The following SH3KBP1 variants were observed in gnomAD, a reference collection of about 807,000 sequenced individuals.
SH3KBP1 encodes the protein SH3 domain containing kinase binding protein 1.
Under a neutral mutation model 50.1 loss-of-function variants are expected in SH3KBP1, and 8 were observed. The observed-to-expected ratio is 0.16, with a 90% CI of 0.09 to 0.29. SH3KBP1 has a LOEUF of 0.29. Ranked by LOEUF, SH3KBP1 falls within the 10% of genes least tolerant of loss-of-function variation. The probability of loss-of-function intolerance (pLI) is 1.00; values close to 1 mark genes in which losing one functional copy is unlikely to be tolerated. For synonymous variants in SH3KBP1, 227 were observed against 218.6 expected (o/e 1.04, Z -0.34); for missense variants, 377 against 535.2 (o/e 0.70, Z 2.92).
intron 1 of SH3KBP1, among the ~76,000 whole-genome samples, chrX:19,858,765 C>CA (rs969770678): frequency 1.8e-5 from 2 of 112,035 alleles, no homozygotes; most frequent in African/African-American, 6.5e-5. Context: ...TTCAACAAAA[C>CA]AAAAATATAT....
intron 2 of SH3KBP1, among the ~76,000 whole-genome samples, chrX:19,782,603 G>T (rs2066214669): frequency 9.0e-6 from 1 of 111,385 alleles, no homozygotes; most frequent in Non-Finnish European, 1.9e-5. Flanking sequence ...CGCAAGATGG[G>T]ATTCTGCTGG....
At position 19,760,402 on chromosome X, in the gene SH3KBP1, ATAC is replaced by A. The variant is rs1569459770; in HGVS notation, c.163-13964_163-13962del. Among the ~76,000 whole-genome samples, 241 of 59,657 alleles carry A rather than the reference ATAC, an allele frequency of 4.0e-3. 1 individual carries two copies. Among genetic ancestry groups the A allele is most frequent in the Middle Eastern group, 8.1e-3 (1 of 124 alleles). The allele number at this position is 59,657 out of a possible 115,157, so 51.8% of individuals were successfully genotyped here. A position where few individuals can be genotyped will look rare whatever the true frequency, so the allele number is the denominator to read the frequency against. On this transcript the variant is annotated intron_variant, in intron 2 of 17. Transcript: ENST00000397821. The stretch of plus-strand genomic sequence containing the variant: ...ATTCTGTCTCAAAATAAATAAATAC[ATAC>A]ATACATACATACATACATACATACA...
chrX:19,760,041 C>CCT (rs745515349), intron 2 of SH3KBP1, among the ~76,000 whole-genome samples: 6,510 of 50,293 alleles, frequency 0.13, 400 homozygotes, highest in East Asian at 0.16. Flanking sequence ...TCTCTCTCTC[C>CCT]CTCTCTCTCT....
intron 1 of SH3KBP1, among the ~76,000 whole-genome samples, chrX:19,856,027 T>G (rs2068633593): frequency 9.0e-6 from 1 of 110,810 alleles, no homozygotes; most frequent in African/African-American, 3.3e-5. Context: ...TTTCTGCAGA[T>G]AGAAATGCCC....
intron 1 of SH3KBP1, among the ~76,000 whole-genome samples, chrX:19,842,631 CAGG>C (rs1171077639): frequency 2.7e-5 from 3 of 110,544 alleles, no homozygotes; most frequent in East Asian, 2.8e-4. Flanking sequence ...TGTGCCCTAG[CAGG>C]AGAACACTCC....
rs891017114 is a variant in SH3KBP1, at chrX:19,598,879, T to C, written c.1006-3879A>G. Among the ~76,000 whole-genome samples the C allele has an allele frequency of 4.5e-5, 5 of 112,120 alleles. No homozygotes were observed. The South Asian group carries it at 1.5e-3, about 33-fold the overall frequency. On this transcript the variant is annotated intron_variant, in intron 9 of 17. Coordinates refer to ENST00000397821, the MANE Select transcript of SH3KBP1 (RefSeq NM_031892.3). ...AATAATAATAAAAAAGTTTGAAATG[T>C]TGTGAGAATTACCAAAATGTAACAC...
chrX:19,736,006 G>A (rs932467033), intron 3 of SH3KBP1, among the ~76,000 whole-genome samples: 5 of 111,658 alleles, frequency 4.5e-5, no homozygotes, highest in African/African-American at 1.3e-4. Context: ...TTATAGGCGT[G>A]AGCCACCGCA....
chrX:19,864,023 G>A (rs1016424798), intron 1 of SH3KBP1, among the ~76,000 whole-genome samples: 25 of 110,688 alleles, frequency 2.3e-4, no homozygotes, highest in African/African-American at 7.9e-4. Context: ...GCTGCTACCA[G>A]TCATCCTAAC....
chrX:19,657,505 G>A (rs995821109), intron 6 of SH3KBP1, among the ~76,000 whole-genome samples: 2 of 110,468 alleles, frequency 1.8e-5, no homozygotes, highest in Non-Finnish European at 3.8e-5. Flanking sequence ...CGAGGTGGGT[G>A]GATCATGAGG....
At chrX:19,605,956 G>C (rs1394927840) in intron 9 of SH3KBP1, among the ~76,000 whole-genome samples, 2 of 111,756 alleles carry the variant, frequency 1.8e-5, no homozygotes, top group Non-Finnish European at 3.8e-5. Context: ...TGGATTCCTA[G>C]GGAAGCTCGC....
chrX:19,732,809 CT>C (rs2064420282), intron 3 of SH3KBP1, among the ~76,000 whole-genome samples: 1 of 111,561 alleles, frequency 9.0e-6, no homozygotes, highest in Non-Finnish European at 1.9e-5. Flanking sequence ...TCCACAAGGG[CT>C]ATTGTAAAGA....
intron 2 of SH3KBP1, among the ~76,000 whole-genome samples, chrX:19,802,972 G>A (rs1488407484): frequency 1.8e-5 from 2 of 111,401 alleles, no homozygotes; most frequent in Non-Finnish European, 1.9e-5. Context: ...GAGAGCCAGA[G>A]GCAGGTTCCA....
chrX:19,760,522 C>G lies in SH3KBP1; in HGVS notation c.163-14081G>C, dbSNP rs925341858. Among the ~76,000 whole-genome samples the G allele has an allele frequency of 4.6e-5, 5 of 109,358 alleles. No homozygotes were observed. In the South Asian group the frequency reaches 1.2e-3, roughly 27 times the overall value. The allele number at this position is 109,358 out of a possible 115,157, so 95.0% of individuals were successfully genotyped here. A position where few individuals can be genotyped will look rare whatever the true frequency, so the allele number is the denominator to read the frequency against. Reference sequence around the variant, plus strand: ...TCAGGAACCAGACACAAGTGGGCACCGAGAATTGGACTCACCCTGTAACCA... The same window carrying G: ...TCAGGAACCAGACACAAGTGGGCACGGAGAATTGGACTCACCCTGTAACCA... On this transcript the variant is annotated intron_variant, in intron 2 of 17. Transcript: ENST00000397821.
At chrX:19,598,299 C>A (rs2066972950) in intron 9 of SH3KBP1, among the ~76,000 whole-genome samples, 1 of 108,848 alleles carries the variant, frequency 9.2e-6, no homozygotes, top group African/African-American at 3.4e-5. Context: ...ACTATGTTGC[C>A]CAGGCTGGTC....
intron 15 of SH3KBP1, among the ~76,000 whole-genome samples, chrX:19,543,655 T>C (rs1456741597): frequency 9.2e-6 from 1 of 108,429 alleles, no homozygotes; most frequent in Non-Finnish European, 1.9e-5. Context: ...CAGGGGGAGG[T>C]GGGATCAGGG....
At chrX:19,655,957 C>T (rs1355660881) in intron 6 of SH3KBP1, among the ~76,000 whole-genome samples, 2 of 112,004 alleles carry the variant, frequency 1.8e-5, no homozygotes, top group African/African-American at 6.5e-5. Flanking sequence ...ATATGCCTCA[C>T]AGCAATGATG....
chrX:19,734,720 C>T (rs949838046), intron 3 of SH3KBP1, among the ~76,000 whole-genome samples: 5 of 112,002 alleles, frequency 4.5e-5, no homozygotes, highest in African/African-American at 1.6e-4. Context: ...AAACACTAAT[C>T]TACTTTCTAT....
At chrX:19,873,690 T>C (rs2069140407) in intron 1 of SH3KBP1, among the ~76,000 whole-genome samples, 1 of 104,210 alleles carries the variant, frequency 9.6e-6, no homozygotes, top group Admixed American at 1.0e-4. Context: ...AAAATAAAAA[T>C]AAAGAAAACC....
chrX:19,702,173 C>T (rs1302812271), intron 4 of SH3KBP1, among the ~76,000 whole-genome samples: 1 of 111,909 alleles, frequency 8.9e-6, no homozygotes, highest in African/African-American at 3.3e-5. Flanking sequence ...TAAAGCAAGG[C>T]GATTATCTTA....
Sources: gnomAD v4.1 joint callset for allele counts (sites outside exome capture counted in the v4.1 genomes callset) on GRCh38, gnomAD v4.1.1 for gene constraint, MANE v1.5 for transcripts, NCBI Gene and HGNC (gene_info 2026-07-23, HGNC 2026-07-21) for gene names.